The following TNC variants were observed in gnomAD, a reference collection of about 807,000 sequenced individuals.
TNC encodes tenascin C, also known as tenascin.
A neutral mutation model predicts 202.4 loss-of-function variants in TNC; 109 were observed. That is an observed-to-expected ratio of 0.54 (90% CI 0.46 to 0.63). The LOEUF is 0.63. Ranked by LOEUF, TNC falls within the 30% of genes least tolerant of loss-of-function variation. The pLI is 0.00. For synonymous variants in TNC, 1,007 were observed against 1,089.7 expected (o/e 0.92, Z 1.50); for missense variants, 2,756 against 2,833.3 (o/e 0.97, Z 0.62).
At position 115,037,613 on chromosome 9, in the gene TNC, C is replaced by G. The variant is rs577213915; in HGVS notation, c.5512+648G>C. Among the ~76,000 whole-genome samples, 9 of 152,186 alleles carry G rather than the reference C, an allele frequency of 5.9e-5. No individual in the cohort carries two copies. The South Asian group carries it at 1.9e-3, about 32-fold the overall frequency. On this transcript the variant is annotated intron_variant, in intron 20 of 27. Coordinates refer to ENST00000350763, the MANE Select transcript of TNC (RefSeq NM_002160.4). ...TGCGATCTCGGCTCACTGCAGCCTCCGCCTCCCAGGTTCAAGCAGCTCTCC... is the reference window on the plus strand; with the variant it reads ...TGCGATCTCGGCTCACTGCAGCCTCGGCCTCCCAGGTTCAAGCAGCTCTCC...
At chr9:115,052,308 G>A (rs1831749595) in intron 15 of TNC, among the ~76,000 whole-genome samples, 1 of 151,898 alleles carries the variant, frequency 6.6e-6, no homozygotes, top group Non-Finnish European at 1.5e-5. Flanking sequence ...TGGGGTTGGG[G>A]AGATGAAGAA....
At position 115,066,682 on chromosome 9, in the gene TNC, A is replaced by C. The variant is rs545894545; in HGVS notation, c.3215-1763T>G. On this transcript the variant is annotated intron_variant, in intron 10 of 27. Coordinates refer to ENST00000350763, the MANE Select transcript of TNC (RefSeq NM_002160.4). Reference sequence around the variant, plus strand: ...CAGCTGCTTATTTTGGTAGTCAGCAAGCTAACAACAGTTTTTCTTACTTTT... The same window carrying C: ...CAGCTGCTTATTTTGGTAGTCAGCACGCTAACAACAGTTTTTCTTACTTTT... 2.6e-5 allele frequency among the ~76,000 whole-genome samples: 4 copies of C among 152,354 alleles called. No homozygotes were observed. The East Asian group carries it at 7.7e-4, about 29-fold the overall frequency.
chr9:115,111,260 C>T (rs898537026), intron 1 of TNC, among the ~76,000 whole-genome samples: 27 of 152,084 alleles, frequency 1.8e-4, no homozygotes, highest in African/African-American at 6.5e-4. Context: ...TGTGCAATTA[C>T]CTCCCCTTGA....
intron 1 of TNC, among the ~76,000 whole-genome samples, chr9:115,111,171 T>C (rs1378779032): frequency 1.4e-4 from 22 of 152,124 alleles, no homozygotes; most frequent in Admixed American, 1.4e-3. Context: ...CAGAAATTGG[T>C]GACACTGGAG....
rs773004085 is a variant in TNC at position 115,090,595 on chromosome 9, C to T, written c.424G>A (p.Ala142Thr). The T allele has an allele frequency of 6.3e-7, 1 of 1,591,768 alleles. No homozygotes were observed. Among genetic ancestry groups the T allele is most frequent in the Non-Finnish European group, 8.6e-7 (1 of 1,167,928 alleles). The stretch of plus-strand genomic sequence containing the variant: ...GGCTGGAGACAGCAGCCTGCTCCTG[C>T]AGTACATTGCTCCCTCAGGGAAGAC... ...LVSSLREQCT[A>T]GAGCCLQPAT... The change falls in exon 2 of 28, where the codon GCA becomes ACA. Residue 142 changes from alanine (A) to threonine (T), a missense_variant. Around this residue, in one of 2 missense-constraint regions of TNC, gnomAD observed 2,559 missense variants for 2,546.0 expected, o/e 1.01. Transcript: ENST00000350763.
At chr9:115,080,619 A>T (rs921922116) in intron 6 of TNC, among the ~76,000 whole-genome samples, 2 of 152,016 alleles carry the variant, frequency 1.3e-5, no homozygotes, top group Non-Finnish European at 2.9e-5. Context: ...TTTTCTTTTT[A>T]AAAAATTGCA....
At chr9:115,073,540 C>A in intron 10 of TNC, 63 bp downstream of exon 10, 1 of 1,563,478 alleles carries the variant, frequency 6.4e-7, no homozygotes, top group Non-Finnish European at 8.7e-7. Context: ...GACACCCTGG[C>A]TGAGGAGATC....
chr9:115,040,906 AAC>A lies in TNC; in HGVS notation c.5392+33_5392+34del, dbSNP rs35141770. The A allele has an allele frequency of 5.8e-3, 8,148 of 1,412,468 alleles. No individual in the cohort carries two copies. Among genetic ancestry groups the A allele is most frequent in the South Asian group, 0.019 (1,344 of 71,364 alleles). 87.5% of individuals were successfully genotyped at this position (1,412,468 alleles called of 1,614,324 possible). On this transcript the variant is annotated intron_variant, in intron 19 of 27. Coordinates refer to ENST00000350763, the MANE Select transcript of TNC (RefSeq NM_002160.4). ...GCACAAGTGACCTCTGAAAAATAGT[AAC>A]ACACACACACACACACAACCCCACC... is the stretch of plus-strand genomic sequence containing the variant.
At chr9:115,048,793 C>T (rs994800227) in intron 15 of TNC, among the ~76,000 whole-genome samples, 5 of 152,158 alleles carry the variant, frequency 3.3e-5, no homozygotes, top group Admixed American at 1.3e-4. Flanking sequence ...ATTGACTTAG[C>T]TAAAGTTACA....
At chr9:115,041,736 T>C (rs1198495408) in intron 18 of TNC, among the ~76,000 whole-genome samples, 1 of 152,186 alleles carries the variant, frequency 6.6e-6, no homozygotes, top group African/African-American at 2.4e-5. Context: ...TTAGGCAGAT[T>C]TGACTGGGCT....
At chr9:115,113,107 C>G (rs1035095957) in intron 1 of TNC, among the ~76,000 whole-genome samples, 1 of 152,094 alleles carries the variant, frequency 6.6e-6, no homozygotes, top group Non-Finnish European at 1.5e-5. Context: ...CCTGAAGGAG[C>G]AAGCTGGAGA....
chr9:115,105,468 G>A (rs921366409), intron 1 of TNC, among the ~76,000 whole-genome samples: 1 of 152,144 alleles, frequency 6.6e-6, no homozygotes, highest in African/African-American at 2.4e-5. Flanking sequence ...GGCTCACACA[G>A]CTCAAGATCA....
chr9:115,082,873 G>A (rs180813491), intron 4 of TNC, 66 bp from the exon 5 acceptor site: 98 of 1,099,210 alleles, frequency 8.9e-5, no homozygotes, highest in Non-Finnish European at 1.2e-4. Flanking sequence ...ACGCGGCCAC[G>A]ATTCCACTAA....
intron 1 of TNC, among the ~76,000 whole-genome samples, chr9:115,095,091 C>T (rs1192346839): frequency 6.6e-6 from 1 of 151,982 alleles, no homozygotes; most frequent in Non-Finnish European, 1.5e-5. Context: ...ACTGTTTGAT[C>T]ACTTCCTGTT....
At chr9:115,084,164 G>A (rs1834525303) in intron 4 of TNC, 45 bp downstream of exon 4, 2 of 1,593,020 alleles carry the variant, frequency 1.3e-6, no homozygotes, top group African/African-American at 1.3e-5. Flanking sequence ...ACACTGGGTG[G>A]GCTGACATCA....
chr9:115,030,328 T>C lies in TNC; in HGVS notation c.5998A>G (p.Ile2000Val). Residue 2000 changes from isoleucine (I) to valine (V), a missense_variant, in exon 24 of 28, where the codon ATT becomes GTT. Ile to Val is a conservative substitution (Grantham distance 29, BLOSUM62 3). Coordinates refer to ENST00000350763, the MANE Select transcript of TNC (RefSeq NM_002160.4). ...TCAGCCTTATCACCATTCAGATAAA[T>C]GGTGTAGAGGCCAGAGGTCGTGTCT... ...NGDTTSGLYT[I>V]YLNGDKAEAL... The C allele has an allele frequency of 6.2e-7, 1 of 1,613,870 alleles. No homozygotes were observed. The highest frequency in any genetic ancestry group is 1.1e-5 in the South Asian group (1 of 91,046).
intron 21 of TNC, 185 bp from the exon 22 acceptor site, chr9:115,035,519 A>G: frequency 1.7e-6 from 1 of 578,202 alleles, no homozygotes; most frequent in East Asian, 3.2e-5. Context: ...CAAATTCTCT[A>G]TGGTTTATCT....
chr9:115,086,453 A>T lies in TNC; in HGVS notation c.1278T>A (p.Asp426Glu). Residue 426 changes from aspartate (D) to glutamate (E), a missense_variant, in exon 3 of 28, where the codon GAT (aspartate) becomes GAA (glutamate). By Grantham distance (45) the Asp-to-Glu change is conservative (BLOSUM62 2). Transcript: ENST00000350763. ...GRCVNGQCVC[D>E]EGYTGEDCSQ... ...TGCAGTCCTCCCCAGTATAGCCCTC[A>T]TCACACACACACTGCCCATTGACAC... The T allele has an allele frequency of 6.2e-7, 1 of 1,613,736 alleles. No homozygotes were observed.
chr9:115,035,259 CG>C lies in TNC; in HGVS notation c.5731del (p.Arg1911GlyfsTer35). On this transcript the variant is annotated frameshift_variant, in exon 22 of 28. Coordinates refer to ENST00000350763, the MANE Select transcript of TNC (RefSeq NM_002160.4). LOFTEE classifies it high-confidence loss of function. ...CAGCAGGTAACCGGTGACTGATGCC[CG>C]GGGGGGTCGCCAGGTAAGGAGGGCA... Reference protein sequence around the residue: ...ETALLTWRPPRASVTGYLLVY... With the variant: ...ETALLTWRPPXASVTGYLLVY... 5.0e-6 allele frequency: 8 copies of C among 1,612,910 alleles called. No homozygotes were observed. The highest frequency in any genetic ancestry group is 2.2e-5 in the East Asian group (1 of 44,750).
Sources: allele counts gnomAD v4.1 joint callset (sites outside exome capture counted in the v4.1 genomes callset), GRCh38; gene constraint gnomAD v4.1.1; regional missense constraint gnomAD v4.1.1; transcripts MANE v1.5; gene names NCBI Gene and HGNC (gene_info 2026-07-23, HGNC 2026-07-21).